IGSF3: variants seen among roughly 807,000 people sequenced by gnomAD.
The protein encoded by IGSF3 is glu-Trp-Ile EWI motif-containing protein 3.
A neutral mutation model predicts 114.4 loss-of-function variants in IGSF3; 23 were observed. That is an observed-to-expected ratio of 0.20 (90% confidence interval 0.14 to 0.28). The LOEUF (loss-of-function observed/expected upper bound fraction) is 0.28, where lower values mean the gene tolerates loss of function less well. Ranked by LOEUF, IGSF3 falls within the 10% of genes least tolerant of loss-of-function variation. The pLI is 1.00. For synonymous variants in IGSF3, 571 were observed against 645.2 expected (o/e 0.88, Z 1.74); for missense variants, 1,172 against 1,591.5 (o/e 0.74, Z 4.48).
In IGSF3 at chr1:116,655,901, TA is replaced by T. The variant is rs554391358; in HGVS notation, c.43+10382del. ...GAATAAACAAGTCAATTATTCTCACTAAATACATTAAAATTTAAGGGTAATA... is the reference window on the plus strand; with the variant it reads ...GAATAAACAAGTCAATTATTCTCACTAATACATTAAAATTTAAGGGTAATA... On this transcript the variant is annotated intron_variant, in intron 2 of 10. Coordinates refer to ENST00000369486, the MANE Select transcript of IGSF3 (RefSeq NM_001007237.3). This position sits in a 1 kb window ranked among gnomAD's most constrained non-coding sequence, Gnocchi z 4.3. Among the ~76,000 whole-genome samples the T allele has an allele frequency of 1.2e-3, 177 of 152,350 alleles. 2 individuals are homozygous for T. The highest frequency in any genetic ancestry group is 4.2e-3 in the African/African-American group (173 of 41,576).
chr1:116,639,999 C>T (rs866399933), intron 2 of IGSF3, among the ~76,000 whole-genome samples: 6 of 145,418 alleles, frequency 4.1e-5, no homozygotes, highest in Non-Finnish European at 8.9e-5. Context: ...GAGATGGCAC[C>T]GCGGCACTCC....
At position 116,579,427 on chromosome 1, in the gene IGSF3, T is replaced by C; in HGVS notation, c.3299A>G (p.Glu1100Gly). The C allele has an allele frequency of 6.3e-7, 1 of 1,599,256 alleles. No homozygotes were observed. The highest frequency in any genetic ancestry group is 8.5e-7 in the Non-Finnish European group (1 of 1,171,708). Residue 1100 changes from glutamate (E) to glycine (G), a missense_variant, in exon 10 of 11, where the codon GAG (glutamate) becomes GGG (glycine). By Grantham distance (98) the Glu-to-Gly change is moderately conservative. This residue lies in a region of IGSF3 where 423 missense variants were observed against 509.8 expected (regional missense o/e 0.83). Coordinates refer to ENST00000369486, the MANE Select transcript of IGSF3 (RefSeq NM_001007237.3). The surrounding 1 kb of genome is among the most constrained non-coding windows in gnomAD (Gnocchi z 6.4). ...QKEWYRLTEE[E>G]SAPIGIRVLD... ...AACACGGATGCCGATGGGGGCTGAC[T>C]CCTCCTCCGTCAGCCGGTACCATTC...
rs1216233704 is a variant in IGSF3 at position 116,599,978 on chromosome 1, C to A, written c.1992G>T (p.Arg664Ser). Residue 664 changes from arginine (R) to serine (S), a missense_variant, in exon 7 of 11, where the codon AGG becomes AGT. Physicochemically the swap from Arg to Ser is moderately radical, Grantham distance 110. Around this residue, in one of 3 missense-constraint regions of IGSF3, gnomAD observed 736 missense variants for 1,042.0 expected, o/e 0.71. Transcript: ENST00000369486. Reference sequence around the variant, plus strand: ...CCCTGATCTCCAGCAGGTTGGAGGTCCTCTCCGCCAGTCGCGTCCAGGTGT... The same window carrying A: ...CCCTGATCTCCAGCAGGTTGGAGGTACTCTCCGCCAGTCGCGTCCAGGTGT... ...YNNTWTRLAE[R>S]TSNLLEIRVL... The A allele has an allele frequency of 6.2e-7, 1 of 1,613,678 alleles. No homozygotes were observed. The highest frequency in any genetic ancestry group is 8.5e-7 in the Non-Finnish European group (1 of 1,179,792).
intron 6 of IGSF3, among the ~76,000 whole-genome samples, chr1:116,601,162 CA>C: frequency 6.6e-6 from 1 of 152,268 alleles, no homozygotes; most frequent in African/African-American, 2.4e-5. Context: ...ACTGAATCCC[CA>C]AAACAACCTT....
Position 116,584,633 on chromosome 1 carries a change from G to A in IGSF3, c.2848+12C>T, listed in dbSNP as rs1018750295. 17 of 1,613,614 alleles carry A rather than the reference G, an allele frequency of 1.1e-5. No homozygotes were observed. The highest frequency in any genetic ancestry group is 1.6e-4 in the Middle Eastern group (1 of 6,084). On this transcript the variant is annotated intron_variant, in intron 9 of 10. Coordinates refer to ENST00000369486, the MANE Select transcript of IGSF3 (RefSeq NM_001007237.3). The surrounding 1 kb of genome is among the most constrained non-coding windows in gnomAD (Gnocchi z 5.8). ...CCAGAGGGAGTGGAAGCTTGGGGAC[G>A]TGGACCCTCACCTGGTCGCATGACT...
At chr1:116,640,959 T>C (rs901635596) in intron 2 of IGSF3, among the ~76,000 whole-genome samples, 5 of 152,240 alleles carry the variant, frequency 3.3e-5, no homozygotes, top group South Asian at 4.1e-4. Flanking sequence ...TGAAAATTAA[T>C]TTTAAATGGG....
rs147972682 is a variant in IGSF3, at chr1:116,662,364, C to T, written c.43+3920G>A. Among the ~76,000 whole-genome samples the T allele has an allele frequency of 7.5e-3, 1,138 of 152,278 alleles. 3 individuals carry two copies. The highest frequency in any genetic ancestry group is 0.011 in the Non-Finnish European group (781 of 68,014). On this transcript the variant is annotated intron_variant, in intron 2 of 10. Transcript: ENST00000369486. This position sits in a 1 kb window ranked among gnomAD's most constrained non-coding sequence, Gnocchi z 4.3. ...GCGGTTACAAGCATGAGCCACCATGCCCAGCTTAGGCAAGTTACTTAACCT... is the reference window on the plus strand; with the variant it reads ...GCGGTTACAAGCATGAGCCACCATGTCCAGCTTAGGCAAGTTACTTAACCT...
chr1:116,606,740 G>A (rs181084082), intron 5 of IGSF3, among the ~76,000 whole-genome samples: 96 of 152,330 alleles, frequency 6.3e-4, no homozygotes, highest in Admixed American at 2.1e-3. Flanking sequence ...CAGACTGACA[G>A]GAAAATAGTA....
At chr1:116,621,309 A>T (rs1163140716) in intron 2 of IGSF3, among the ~76,000 whole-genome samples, 1 of 152,148 alleles carries the variant, frequency 6.6e-6, no homozygotes, top group Non-Finnish European at 1.5e-5. Flanking sequence ...TAAATTCTCC[A>T]GTCTCATGTA....
At chr1:116,663,277 C>T (rs1035430152) in intron 2 of IGSF3, among the ~76,000 whole-genome samples, 2 of 152,182 alleles carry the variant, frequency 1.3e-5, no homozygotes, top group Non-Finnish European at 2.9e-5. Context: ...TCCCACATTG[C>T]TGTCATCTTC....
chr1:116,600,474 T>G lies in IGSF3; in HGVS notation c.1625-129A>C, dbSNP rs1660535892. On this transcript the variant is annotated intron_variant, in intron 6 of 10. Coordinates refer to ENST00000369486, the MANE Select transcript of IGSF3 (RefSeq NM_001007237.3). The surrounding 1 kb of genome is among the most constrained non-coding windows in gnomAD (Gnocchi z 5.5). ...GAGGCTCTCGGAGCCCCTTTTGAGC[T>G]CTCAGGCTAGTGTTGCTTTTAGTAT... 1.4e-6 allele frequency: 1 copy of G among 714,740 alleles called. No individual in the cohort carries two copies. Among genetic ancestry groups the G allele is most frequent in the East Asian group, 2.6e-5 (1 of 38,282 alleles). The allele number at this position is 714,740 out of a possible 1,614,324, so 44.3% of individuals were successfully genotyped here. A position where few individuals can be genotyped will look rare whatever the true frequency, so the allele number is the denominator to read the frequency against.
At position 116,648,529 on chromosome 1, in the gene IGSF3, A is replaced by C. The variant is rs1648498500; in HGVS notation, c.43+17755T>G. Among the ~76,000 whole-genome samples the C allele has an allele frequency of 6.6e-6, 1 of 152,188 alleles. No homozygotes were observed. Among genetic ancestry groups the C allele is most frequent in the Non-Finnish European group, 1.5e-5 (1 of 68,020 alleles). On this transcript the variant is annotated intron_variant, in intron 2 of 10. Transcript: ENST00000369486. The surrounding 1 kb of genome is among the most constrained non-coding windows in gnomAD (Gnocchi z 4.7). ...CAGATGCCAAAGCCAAAGGCCTCCC[A>C]GCACTCACAAGGCCCTTTGCCCTTA...
Position 116,577,693 on chromosome 1 carries a change from C to T in IGSF3, c.3335-131G>A, listed in dbSNP as rs1193520903. 2 of 763,092 alleles carry T rather than the reference C, an allele frequency of 2.6e-6. No individual in the cohort carries two copies. Among genetic ancestry groups the T allele is most frequent in the African/African-American group, 3.5e-5 (2 of 57,688 alleles). The allele number at this position is 763,092 out of a possible 1,614,324, so 47.3% of individuals were successfully genotyped here. On this transcript the variant is annotated intron_variant, in intron 10 of 10. Coordinates refer to ENST00000369486, the MANE Select transcript of IGSF3 (RefSeq NM_001007237.3). This position sits in a 1 kb window ranked among gnomAD's most constrained non-coding sequence, Gnocchi z 5.7. ...ACTCCCACACCACCTTGTCTTTCCC[C>T]TGCTACCATTAATGGTGGAAGATGA...
intron 2 of IGSF3, among the ~76,000 whole-genome samples, chr1:116,637,792 C>T (rs1051035030): frequency 1.7e-4 from 26 of 152,338 alleles, no homozygotes; most frequent in Non-Finnish European, 2.6e-4. Flanking sequence ...TACACACTTG[C>T]TGTTCCTTCT....
At position 116,654,705 on chromosome 1, in the gene IGSF3, T is replaced by G. The variant is rs898832398; in HGVS notation, c.43+11579A>C. Among the ~76,000 whole-genome samples the G allele has an allele frequency of 6.6e-6, 1 of 152,198 alleles. No individual in the cohort carries two copies. The highest frequency in any genetic ancestry group is 1.5e-5 in the Non-Finnish European group (1 of 68,044). The stretch of plus-strand genomic sequence containing the variant: ...AAGTATGTGATTTCTCTATTTCTAT[T>G]TCTCTTTTGTTTGGGCTTCCTAGAA... On this transcript the variant is annotated intron_variant, in intron 2 of 10. Transcript: ENST00000369486. This position sits in a 1 kb window ranked among gnomAD's most constrained non-coding sequence, Gnocchi z 4.4.
rs955652831 is a variant in IGSF3, at chr1:116,610,703, T to G, written c.833-2372A>C. On this transcript the variant is annotated intron_variant, in intron 4 of 10. Transcript: ENST00000369486. The surrounding 1 kb of genome is among the most constrained non-coding windows in gnomAD (Gnocchi z 4.3). ...TCTGTTCCACTCTCTCACCTGCTTC[T>G]CTGGTCACCTCTTACTGCTGCTGTT... Among the ~76,000 whole-genome samples, 4 of 152,150 alleles carry G rather than the reference T, an allele frequency of 2.6e-5. No individual in the cohort carries two copies. The highest frequency in any genetic ancestry group is 5.9e-5 in the Non-Finnish European group (4 of 68,036).
In IGSF3 at chr1:116,575,144, C is replaced by T. The variant is rs897516947; in HGVS notation, c.*2168G>A. ...ACAGAGGAAACGCCAGTCATCTTCC[C>T]TCATTGACTCAGCCTATAAAGTAGG... is the stretch of plus-strand genomic sequence containing the variant. On this transcript the variant is annotated 3_prime_UTR_variant, in exon 11 of 11. Transcript: ENST00000369486. The surrounding 1 kb of genome is among the most constrained non-coding windows in gnomAD (Gnocchi z 5.6). 3 of 152,656 alleles carry T rather than the reference C, an allele frequency of 2.0e-5. No individual in the cohort carries two copies. Among genetic ancestry groups the T allele is most frequent in the African/African-American group, 7.2e-5 (3 of 41,454 alleles). The allele number at this position is 152,656 out of a possible 1,614,324, so 9.5% of individuals were successfully genotyped here.
At chr1:116,639,338 G>A (rs1460937196) in intron 2 of IGSF3, among the ~76,000 whole-genome samples, 1 of 152,200 alleles carries the variant, frequency 6.6e-6, no homozygotes, top group East Asian at 1.9e-4. Flanking sequence ...CCTTAATTCC[G>A]TGAAACATCT....
chr1:116,624,119 C>T lies in IGSF3; in HGVS notation c.44-7662G>A, dbSNP rs1281200214. ...AACAAAAAAAAGGTCCCTGAGGATCCCTCGAGCCTGGGAGGCCGAGGCTGC... is the reference window on the plus strand; with the variant it reads ...AACAAAAAAAAGGTCCCTGAGGATCTCTCGAGCCTGGGAGGCCGAGGCTGC... On this transcript the variant is annotated intron_variant, in intron 2 of 10. Transcript: ENST00000369486. The surrounding 1 kb of genome is among the most constrained non-coding windows in gnomAD (Gnocchi z 4.9). Among the ~76,000 whole-genome samples, 1 of 151,646 alleles carries T rather than the reference C, an allele frequency of 6.6e-6. No homozygotes were observed. Among genetic ancestry groups the T allele is most frequent in the Non-Finnish European group, 1.5e-5 (1 of 67,910 alleles).
Sources: gnomAD v4.1 joint callset for allele counts (sites outside exome capture counted in the v4.1 genomes callset) on GRCh38, gnomAD v4.1.1 for gene constraint, gnomAD v4.1.1 regional missense constraint, Gnocchi (gnomAD v3.1) non-coding constraint, MANE v1.5 for transcripts, NCBI Gene and HGNC (gene_info 2026-07-23, HGNC 2026-07-21) for gene names.